HGD: variants seen among roughly 807,000 people sequenced by gnomAD.
The protein encoded by HGD is homogentisate oxidase.
A neutral mutation model predicts 60.8 loss-of-function variants in HGD; 61 were observed. That is an observed-to-expected ratio of 1.00 (90% CI 0.82 to 1.24). The LOEUF is 1.24. Ranked by LOEUF, HGD falls within the 50% of genes most tolerant of loss-of-function variation. The pLI, the probability that HGD is intolerant of heterozygous loss-of-function variation, is 0.00. For synonymous variants in HGD, 212 were observed against 187.7 expected (o/e 1.13, Z -1.06); for missense variants, 542 against 547.1 (o/e 0.99, Z 0.09).
intron 4 of HGD, among the ~76,000 whole-genome samples, chr3:120,657,471 A>G (rs936660820): frequency 1.3e-5 from 2 of 152,154 alleles, no homozygotes; most frequent in Non-Finnish European, 2.9e-5. Context: ...CAAATTTCCC[A>G]TGGACTCAAC....
intron 4 of HGD, among the ~76,000 whole-genome samples, chr3:120,662,319 G>T: frequency 6.6e-6 from 1 of 152,124 alleles, no homozygotes. Context: ...TCAGGTAGAA[G>T]GTCATTAAAA....
chr3:120,670,401 A>T (rs771474696), intron 4 of HGD, 26 bp downstream of exon 4: 2 of 1,122,762 alleles, frequency 1.8e-6, no homozygotes, highest in Non-Finnish European at 2.7e-6. Context: ...GTATATGATA[A>T]GCTTCAATTC....
intron 3 of HGD, chr3:120,674,515 G>C: frequency 3.9e-6 from 1 of 256,566 alleles, no homozygotes; most frequent in South Asian, 5.0e-5. Flanking sequence ...GAAAGATATT[G>C]CTCTGAATCT....
At chr3:120,633,477 A>C (rs1940656427) in intron 12 of HGD, 149 bp from the exon 13 acceptor site, 1 of 1,540,936 alleles carries the variant, frequency 6.5e-7, no homozygotes, top group African/African-American at 1.4e-5. Flanking sequence ...GATTGACAGA[A>C]GAACAATCAT....
intron 4 of HGD, among the ~76,000 whole-genome samples, chr3:120,655,799 T>A (rs1862940): frequency 0.83 from 126,492 of 152,200 alleles, 53,778 homozygotes; most frequent in East Asian, 0.98. Flanking sequence ...GTTCCCGTTT[T>A]CTCTGTGATC....
intron 13 of HGD, among the ~76,000 whole-genome samples, chr3:120,630,707 C>T (rs1256256223): frequency 5.3e-5 from 8 of 150,628 alleles, no homozygotes; most frequent in Admixed American, 1.3e-4. Context: ...TTCAGGACAT[C>T]AGCATGGGCA....
At chr3:120,670,292 G>A in intron 4 of HGD, 135 bp downstream of exon 4, 1 of 693,692 alleles carries the variant, frequency 1.4e-6, no homozygotes, top group Non-Finnish European at 2.6e-6. Context: ...GCAGAAAACA[G>A]ACACACTTTA....
chr3:120,638,544 A>T lies in HGD; in HGVS notation c.917T>A (p.Val306Asp). 1 of 1,614,058 alleles carries T rather than the reference A, an allele frequency of 6.2e-7. No individual in the cohort carries two copies. The highest frequency in any genetic ancestry group is 1.1e-5 in the South Asian group (1 of 91,074). ...ATCAGCAATGGCCACTCCAGGGCGGACAGACTTAGCAGTCAATACTGTGAA... is the reference window on the plus strand; with the variant it reads ...ATCAGCAATGGCCACTCCAGGGCGGTCAGACTTAGCAGTCAATACTGTGAA... The part of the protein sequence containing the change: ...SIFTVLTAKS[V>D]RPGVAIADFV... Residue 306 changes from valine (V) to aspartate (D), a missense_variant, in exon 12 of 14, where the codon GTC (valine) becomes GAC (aspartate). Coordinates refer to ENST00000283871, the MANE Select transcript of HGD (RefSeq NM_000187.4).
At chr3:120,628,582 C>G (rs1199646187) in intron 13 of HGD, 53 bp from the exon 14 acceptor site, 1 of 1,581,692 alleles carries the variant, frequency 6.3e-7, no homozygotes, top group African/African-American at 1.3e-5. Context: ...AGATAATAAA[C>G]ACATTTGATT....
intron 6 of HGD, among the ~76,000 whole-genome samples, chr3:120,649,659 C>T (rs1027445254): frequency 3.3e-5 from 5 of 152,166 alleles, no homozygotes; most frequent in Non-Finnish European, 4.4e-5. Context: ...TTTTGTTCTT[C>T]CCAACTGAAA....
chr3:120,635,158 G>C (rs1221972330), intron 12 of HGD, among the ~76,000 whole-genome samples: 1 of 152,102 alleles, frequency 6.6e-6, no homozygotes, highest in Non-Finnish European at 1.5e-5. Flanking sequence ...AGGACAGTGG[G>C]AGGATAGACC....
At chr3:120,652,563 T>C in intron 5 of HGD, 29 bp downstream of exon 5, 1 of 1,540,740 alleles carries the variant, frequency 6.5e-7, no homozygotes. Flanking sequence ...AGGAGAGCAG[T>C]AGGGAGGGTG....
intron 10 of HGD, 86 bp from the exon 11 acceptor site, chr3:120,641,779 CT>C (rs2107503014): frequency 1.1e-6 from 1 of 872,202 alleles, no homozygotes; most frequent in East Asian, 2.4e-5. Flanking sequence ...GTATACCTCT[CT>C]CTTCTTTTGA....
intron 13 of HGD, 56 bp from the exon 14 acceptor site, chr3:120,628,585 A>C: frequency 1.9e-6 from 3 of 1,564,726 alleles, no homozygotes; most frequent in Non-Finnish European, 2.6e-6. Context: ...TAATAAACAC[A>C]TTTGATTAGA....
At chr3:120,648,825 A>C (rs897414926) in intron 6 of HGD, among the ~76,000 whole-genome samples, 2 of 152,208 alleles carry the variant, frequency 1.3e-5, no homozygotes, top group Non-Finnish European at 2.9e-5. Flanking sequence ...AGAATACATC[A>C]ATTCAAATAT....
In HGD at chr3:120,638,560, A is replaced by G; in HGVS notation, c.901T>C (p.Leu301=). ...CCAGGGCGGACAGACTTAGCAGTCA[A>G]TACTGTGAAAATGGATGGGTCCTGT... ...DHADPSIFTV[L]TAKSVRPGVA... The change falls in exon 12 of 14, where the codon TTG becomes CTG. Residue 301 remains leucine (L), a synonymous_variant. Coordinates refer to ENST00000283871, the MANE Select transcript of HGD (RefSeq NM_000187.4). 1 of 1,614,044 alleles carries G rather than the reference A, an allele frequency of 6.2e-7. No individual in the cohort carries two copies. The highest frequency in any genetic ancestry group is 8.5e-7 in the Non-Finnish European group (1 of 1,179,948).
At chr3:120,655,595 G>A (rs1941472268) in intron 4 of HGD, among the ~76,000 whole-genome samples, 1 of 152,236 alleles carries the variant, frequency 6.6e-6, no homozygotes, top group African/African-American at 2.4e-5. Flanking sequence ...CAGGAGCGCT[G>A]ATGTGATATT....
chr3:120,676,616 A>C (rs1256227297), intron 1 of HGD, among the ~76,000 whole-genome samples: 1 of 152,232 alleles, frequency 6.6e-6, no homozygotes, highest in Non-Finnish European at 1.5e-5. Flanking sequence ...GAAGGTAATC[A>C]GTGGAAATTT....
intron 3 of HGD, 50 bp downstream of exon 3, chr3:120,674,851 C>G (rs1461716858): frequency 3.1e-6 from 4 of 1,273,110 alleles, no homozygotes; most frequent in Non-Finnish European, 4.6e-6. Context: ...CACAAAGTCC[C>G]TGTCATAGTA....
Sources: allele counts gnomAD v4.1 joint callset (sites outside exome capture counted in the v4.1 genomes callset), GRCh38; gene constraint gnomAD v4.1.1; transcripts MANE v1.5; gene names NCBI Gene and HGNC (gene_info 2026-07-23, HGNC 2026-07-21).